The following IL17REL variants were observed in gnomAD, a reference collection of about 807,000 sequenced individuals.
IL17REL encodes the protein interleukin 17 receptor E like, also known as interleukin-17 receptor E-like protein.
In IL17REL, 36 loss-of-function variants were observed where a neutral mutation model predicts 49.0. The ratio of observed to expected loss-of-function variants is 0.73; its 90% CI spans 0.56 to 0.97. The LOEUF (loss-of-function observed/expected upper bound fraction) is 0.97. Ranked by LOEUF, IL17REL falls within the 50% of genes least tolerant of loss-of-function variation. The pLI is 0.00. For missense variants in IL17REL, 470 were observed against 453.9 expected (o/e 1.04, Z -0.32); for synonymous variants, 206 against 192.4 (o/e 1.07, Z -0.58).
At chr22:49,996,845 C>T in exon 13 of IL17REL, 2 of 571,716 alleles carry the variant, frequency 3.5e-6, no homozygotes, top group South Asian at 4.6e-5. Flanking sequence ...GAGAAGTGTA[C>T]ATCGGTCCTC....
chr22:50,010,453 G>A (rs1369348243), upstream of IL17REL, among the ~76,000 whole-genome samples: 1 of 152,268 alleles, frequency 6.6e-6, no homozygotes, highest in Non-Finnish European at 1.5e-5. Flanking sequence ...CAGTGAGGCC[G>A]CCTGTGTGGA....
At chr22:49,994,138 A>G (rs539663991), downstream of IL17REL, among the ~76,000 whole-genome samples, 1 of 151,826 alleles carries the variant, frequency 6.6e-6, no homozygotes, top group East Asian at 1.9e-4. Context: ...CATGCCCCTG[A>G]TCTCCAGGTT....
chr22:50,009,348 G>T (rs568173229), upstream of IL17REL, among the ~76,000 whole-genome samples: 9 of 152,244 alleles, frequency 5.9e-5, no homozygotes, highest in African/African-American at 2.2e-4. Context: ...GAGGACTTGT[G>T]GCCAGGCTCC....
rs2061067414 is a variant in IL17REL at position 49,999,885 on chromosome 22, G to T, written c.417C>A (p.Tyr139Ter). Residue 139 changes from tyrosine to a stop codon, truncating the protein, a stop_gained, in exon 5 of 13, where the codon TAC becomes TAA. Coordinates refer to ENST00000341280, the Ensembl canonical transcript of IL17REL. LOFTEE classifies it high-confidence loss of function. ...ACCGCTTGAGGCAGAGCCGCAGGTAGTAGTCGGGGCTCCCGGAGGCCCTGG... is the reference window on the plus strand; with the variant it reads ...ACCGCTTGAGGCAGAGCCGCAGGTATTAGTCGGGGCTCCCGGAGGCCCTGG... 1 of 1,544,972 alleles carries T rather than the reference G, an allele frequency of 6.5e-7. No individual in the cohort carries two copies. The highest frequency in any genetic ancestry group is 2.5e-5 in the East Asian group (1 of 40,170).
intron 5 of IL17REL, 140 bp from the exon 8 acceptor site, chr22:49,999,642 G>A: frequency 1.7e-6 from 1 of 577,368 alleles, no homozygotes; most frequent in Non-Finnish European, 2.8e-6. Context: ...GGGGCGCGGA[G>A]GTGGGTGGGG....
chr22:49,997,359 G>T (rs1312225950), exon 11 of IL17REL: 3 of 1,613,760 alleles, frequency 1.9e-6, no homozygotes, highest in Non-Finnish European at 2.5e-6. Flanking sequence ...GTGTGCGTTG[G>T]CAGGCAGGGA....
At chr22:50,006,806 T>C (rs984634416) in intron 1 of IL17REL, among the ~76,000 whole-genome samples, 3 of 151,684 alleles carry the variant, frequency 2.0e-5, no homozygotes, top group Non-Finnish European at 4.4e-5. Flanking sequence ...ACACAAAAAA[T>C]TACCCAGGCA....
At chr22:50,001,225 A>G (rs1431210800) in exon 2 of IL17REL, 4 of 1,398,214 alleles carry the variant, frequency 2.9e-6, no homozygotes, top group Non-Finnish European at 4.0e-6. Context: ...GCTGTTAAAA[A>G]TGTTCCCTGG....
chr22:50,012,026 T>C (rs137868), upstream of IL17REL, among the ~76,000 whole-genome samples: 133,180 of 152,232 alleles, frequency 0.87, 58,486 homozygotes, highest in South Asian at 0.96. Flanking sequence ...CTTCCTGGGA[T>C]GCTGGGTACA....
intron 3 of IL17REL, 21 bp from the exon 5 acceptor site, chr22:50,000,613 G>T: frequency 6.3e-7 from 1 of 1,599,794 alleles, no homozygotes; most frequent in Non-Finnish European, 8.6e-7. Context: ...GCAGGTGTGA[G>T]CTGCGTGGAC....
intron 1 of IL17REL, among the ~76,000 whole-genome samples, chr22:50,003,625 T>C (rs1465590359): frequency 4.6e-5 from 7 of 150,880 alleles, no homozygotes; most frequent in Non-Finnish European, 8.9e-5. Context: ...AAACCACTTA[T>C]CATCTCAATA....
chr22:50,003,351 T>G (rs1175827270), intron 1 of IL17REL, among the ~76,000 whole-genome samples: 2 of 151,748 alleles, frequency 1.3e-5, no homozygotes, highest in African/African-American at 4.8e-5. Flanking sequence ...GTAAAACCTG[T>G]CTCTACTAAA....
At chr22:50,004,188 T>G (rs2061095493) in intron 1 of IL17REL, among the ~76,000 whole-genome samples, 1 of 152,080 alleles carries the variant, frequency 6.6e-6, no homozygotes, top group Non-Finnish European at 1.5e-5. Flanking sequence ...AAGCGATTCT[T>G]GTGTCTCAGC....
At chr22:49,997,637 G>T in intron 10 of IL17REL, 48 bp downstream of exon 12, 1 of 1,553,532 alleles carries the variant, frequency 6.4e-7, no homozygotes, top group Non-Finnish European at 8.9e-7. Context: ...TGATATAAAG[G>T]ATGTTCTGTG....
At chr22:49,995,777 TGAA>T (rs1223874563) in exon 13 of IL17REL, 1 of 152,012 alleles carries the variant, frequency 6.6e-6, no homozygotes, top group African/African-American at 2.4e-5. Context: ...AGCAGACAAG[TGAA>T]GGAGGAGCCC....
chr22:50,011,405 C>G (rs1314156915), upstream of IL17REL, among the ~76,000 whole-genome samples: 4 of 152,074 alleles, frequency 2.6e-5, no homozygotes, highest in Admixed American at 1.3e-4. Flanking sequence ...CACCTCGGAC[C>G]GGGAGGCTGC....
chr22:49,998,452 G>A, intron 7 of IL17REL, 143 bp from the exon 10 acceptor site: 2 of 752,832 alleles, frequency 2.7e-6, no homozygotes, highest in Non-Finnish European at 4.3e-6. Context: ...TCAAGGCTGT[G>A]CACGTGTGTG....
rs1269866731 is a variant in IL17REL at position 49,999,421 on chromosome 22, C to T, written c.546+10G>A. 4 of 1,612,512 alleles carry T rather than the reference C, an allele frequency of 2.5e-6. No individual in the cohort carries two copies. The highest frequency in any genetic ancestry group is 2.2e-5 in the East Asian group (1 of 44,842). Reference sequence around the variant, plus strand: ...CACCCGCCCCAAGTCCAGGCCACACCTCCACCGACCTCCAGGCACAGGCAC... The same window carrying T: ...CACCCGCCCCAAGTCCAGGCCACACTTCCACCGACCTCCAGGCACAGGCAC... On this transcript the variant is annotated intron_variant, in intron 6 of 12. Transcript: ENST00000341280.
Position 49,997,335 on chromosome 22 carries a change from C to T in IL17REL, c.959G>A (p.Arg320His), listed in dbSNP as rs148672889. Residue 320 changes from arginine (R) to histidine (H), a missense_variant, in exon 11 of 13, where the codon CGC (arginine) becomes CAC (histidine). Coordinates refer to ENST00000341280, the Ensembl canonical transcript of IL17REL. ...CTCGGCTCACTGAGGCTGAAGGGAGCGGGCTGGCCTGGAGTGTGCGTTGGC... is the reference window on the plus strand; with the variant it reads ...CTCGGCTCACTGAGGCTGAAGGGAGTGGGCTGGCCTGGAGTGTGCGTTGGC... The T allele has an allele frequency of 9.2e-4, 1,482 of 1,613,476 alleles. 2 individuals carry two copies. The highest frequency in any genetic ancestry group is 1.7e-3 in the African/African-American group (130 of 75,024).
Sources: gnomAD v4.1 joint callset for allele counts (sites outside exome capture counted in the v4.1 genomes callset) on GRCh38, gnomAD v4.1.1 for gene constraint, MANE v1.5 for transcripts, NCBI Gene and HGNC (gene_info 2026-07-23, HGNC 2026-07-21) for gene names.